HYDIN: variants seen among roughly 807,000 people sequenced by gnomAD.
The protein encoded by HYDIN is axonemal central pair apparatus protein HYDIN.
In HYDIN, 132 loss-of-function variants were observed where a neutral mutation model predicts 403.9. That is an observed-to-expected ratio of 0.33 (90% CI 0.28 to 0.38). The LOEUF (loss-of-function observed/expected upper bound fraction) is 0.38, where lower values mean the gene tolerates loss of function less well. Among genes scored for constraint, HYDIN ranks in the 10% least tolerant of loss-of-function variants. The pLI is 1.00. For missense variants in HYDIN, 2,827 were observed against 5,009.5 expected, an observed-to-expected ratio of 0.56 and a Z score of 13.15; for synonymous variants, 1,202 against 1,891.7, an observed-to-expected ratio of 0.64 and a Z score of 9.46.
At chr16:71,024,600 C>T (rs2080621337) in intron 21 of HYDIN, among the ~76,000 whole-genome samples, 2 of 139,882 alleles carry the variant, frequency 1.4e-5, no homozygotes. Context: ...CAGCTCAATC[C>T]CCAACTCAGA....
At chr16:71,074,866 G>A (rs1326983973) in intron 13 of HYDIN, among the ~76,000 whole-genome samples, 3 of 150,176 alleles carry the variant, frequency 2.0e-5, no homozygotes, top group South Asian at 4.3e-4. Context: ...AATTGTGGGG[G>A]TCATATAATT....
chr16:71,038,746 C>T (rs1188792078), intron 18 of HYDIN, among the ~76,000 whole-genome samples: 1 of 152,250 alleles, frequency 6.6e-6, no homozygotes, highest in East Asian at 1.9e-4. Context: ...CTGCAACCTC[C>T]GCCTCCTGGG....
At chr16:71,037,998 A>G (rs1458297312) in intron 18 of HYDIN, among the ~76,000 whole-genome samples, 1 of 152,220 alleles carries the variant, frequency 6.6e-6, no homozygotes, top group African/African-American at 2.4e-5. Flanking sequence ...TCCAAAGATG[A>G]TAAAAAATGA....
chr16:71,218,539 T>C (rs78143569), intron 1 of HYDIN, among the ~76,000 whole-genome samples: 42 of 152,350 alleles, frequency 2.8e-4, no homozygotes, highest in Non-Finnish European at 5.3e-4. Context: ...ATCTGTTTAA[T>C]TGTAATTACA....
At chr16:70,866,778 A>G (rs1397968116) in intron 66 of HYDIN, among the ~76,000 whole-genome samples, 1 of 152,176 alleles carries the variant, frequency 6.6e-6, no homozygotes, top group Non-Finnish European at 1.5e-5. Context: ...TAATCCCAGC[A>G]CTTTGGGAGA....
At chr16:71,068,315 G>C (rs2144298846) in intron 14 of HYDIN, among the ~76,000 whole-genome samples, 1 of 150,246 alleles carries the variant, frequency 6.7e-6, no homozygotes, top group South Asian at 2.1e-4. Context: ...TTCAGTTGCA[G>C]AGGGAATCAC....
intron 13 of HYDIN, among the ~76,000 whole-genome samples, chr16:71,073,706 A>C (rs1457897964): frequency 6.6e-6 from 1 of 152,168 alleles, no homozygotes; most frequent in Non-Finnish European, 1.5e-5. Flanking sequence ...GGGTTTGCAG[A>C]TATTTACCTG....
At chr16:71,100,150 T>G (rs1275656992) in intron 10 of HYDIN, among the ~76,000 whole-genome samples, 1 of 152,096 alleles carries the variant, frequency 6.6e-6, no homozygotes, top group Non-Finnish European at 1.5e-5. Context: ...AAATATAAGG[T>G]ACGTAAAAAT....
At chr16:70,818,676 C>T (rs1597032357) in intron 83 of HYDIN, 104 bp from the exon 84 acceptor site, 2 of 607,064 alleles carry the variant, frequency 3.3e-6, no homozygotes, top group East Asian at 5.6e-5. Context: ...CATTGTTTGG[C>T]ACATGAAGCA....
intron 37 of HYDIN, among the ~76,000 whole-genome samples, chr16:70,964,287 A>G (rs1192686102): frequency 1.3e-5 from 2 of 149,244 alleles, no homozygotes; most frequent in East Asian, 4.1e-4. Flanking sequence ...TGTGTGACAC[A>G]TTACTTTGCC....
intron 83 of HYDIN, among the ~76,000 whole-genome samples, chr16:70,826,745 C>G (rs1610576): frequency 0.012 from 1,519 of 122,194 alleles, 73 homozygotes; most frequent in African/African-American, 0.033. Flanking sequence ...CTCTCTCTCT[C>G]TGTGTGTGTG....
chr16:71,218,839 T>C lies in HYDIN; in HGVS notation c.-24+11723A>G, dbSNP rs113138305. Among the ~76,000 whole-genome samples, 40 of 152,306 alleles carry C rather than the reference T, an allele frequency of 2.6e-4. No individual in the cohort carries two copies. In the South Asian group the frequency reaches 6.4e-3, roughly 24 times the overall value. ...CAGAAATGAAATGCATAAGGCCCCT[T>C]TGTTTCCATCTCCCACCAAAATCTT... On this transcript the variant is annotated intron_variant, in intron 1 of 85. Coordinates refer to ENST00000393567, the MANE Select transcript of HYDIN (RefSeq NM_001270974.2).
In HYDIN at chr16:70,977,797, C is replaced by T. The variant is rs1243383946; in HGVS notation, c.4638+1117G>A. Among the ~76,000 whole-genome samples the T allele has an allele frequency of 1.3e-4, 20 of 151,416 alleles. No individual in the cohort carries two copies. The South Asian group carries it at 1.7e-3, about 13-fold the overall frequency. ...AGAAGCTCTCTCCTCCAGAGACCCT[C>T]GCTTGGCTCCCACCTCTGTGGCACC... On this transcript the variant is annotated intron_variant, in intron 30 of 85. Coordinates refer to ENST00000393567, the MANE Select transcript of HYDIN (RefSeq NM_001270974.2).
intron 62 of HYDIN, 140 bp downstream of exon 62, chr16:70,879,157 A>G (rs2040624443): frequency 1.8e-6 from 1 of 568,854 alleles, no homozygotes; most frequent in Non-Finnish European, 3.1e-6. Flanking sequence ...TCCCCTCTGC[A>G]TGTCCCTGAC....
chr16:70,888,160 T>C (rs537819531), intron 58 of HYDIN, among the ~76,000 whole-genome samples: 2 of 152,408 alleles, frequency 1.3e-5, no homozygotes, highest in East Asian at 3.9e-4. Context: ...AATTGCTCAT[T>C]GAAACATTTT....
At chr16:70,995,315 T>G (rs1409111850) in intron 23 of HYDIN, among the ~76,000 whole-genome samples, 2 of 152,148 alleles carry the variant, frequency 1.3e-5, no homozygotes, top group Admixed American at 6.5e-5. Context: ...AGGGAGTGCA[T>G]AGCAAACAAG....
chr16:70,985,396 C>T (rs1158707454), intron 27 of HYDIN, 74 bp from the exon 28 acceptor site: 16 of 1,041,494 alleles, frequency 1.5e-5, no homozygotes, highest in Admixed American at 9.0e-5. Context: ...CAGAAACATG[C>T]CTCATGGATA....
At chr16:70,976,783 A>G (rs573229344) in intron 30 of HYDIN, among the ~76,000 whole-genome samples, 7,179 of 152,076 alleles carry the variant, frequency 0.047, 153 homozygotes, top group African/African-American at 0.16. Context: ...AAGGTCTAAA[A>G]TGGATTTTTA....
chr16:71,219,227 C>T (rs960164940), intron 1 of HYDIN, among the ~76,000 whole-genome samples: 1 of 151,974 alleles, frequency 6.6e-6, no homozygotes, highest in Non-Finnish European at 1.5e-5. Flanking sequence ...GACACAGATA[C>T]AGTCAGATCA....
Sources: gnomAD v4.1 joint callset for allele counts (sites outside exome capture counted in the v4.1 genomes callset) on GRCh38, gnomAD v4.1.1 for gene constraint, MANE v1.5 for transcripts, NCBI Gene and HGNC (gene_info 2026-07-23, HGNC 2026-07-21) for gene names.